The following PAQR3 variants were observed in gnomAD, a reference collection of about 807,000 sequenced individuals.
The protein encoded by PAQR3 is progestin and adipoQ receptor family member 3, also known as Raf kinase trapping to Golgi.
A neutral mutation model predicts 41.7 loss-of-function variants in PAQR3; 39 were observed. The ratio of observed to expected loss-of-function variants is 0.93; its 90% confidence interval spans 0.72 to 1.22. The LOEUF is 1.22. PAQR3 is among the 50% of genes most tolerant of loss of function. The pLI is 0.00. For synonymous variants in PAQR3, 140 were observed against 140.6 expected, an observed-to-expected ratio of 1.00 and a Z score of 0.03; for missense variants, 366 against 385.6, an observed-to-expected ratio of 0.95 and a Z score of 0.42.
rs1736678809 is a variant in PAQR3, at chr4:78,930,064, A to G, written c.504+106T>C. 5.0e-5 allele frequency: 54 copies of G among 1,070,870 alleles called. 3 individuals are homozygous for G. In the South Asian group the frequency reaches 9.0e-4, roughly 18 times the overall value. 66.3% of individuals were successfully genotyped at this position (1,070,870 alleles called of 1,614,324 possible). On this transcript the variant is annotated intron_variant, in intron 3 of 5. Coordinates refer to ENST00000512733, the MANE Select transcript of PAQR3 (RefSeq NM_001040202.2). ...ATGCTTATACGAGACTCTTCTATTT[A>G]GTCTATAAGTTAATTATGTACTTAT... is the stretch of plus-strand genomic sequence containing the variant.
chr4:78,928,586 G>A (rs1736494996), intron 3 of PAQR3, among the ~76,000 whole-genome samples: 3 of 152,166 alleles, frequency 2.0e-5, no homozygotes. Flanking sequence ...CAAGCAATGT[G>A]AGAAATTCTA....
At chr4:78,901,161 A>G (rs925146467) in intron 11 of PAQR3, among the ~76,000 whole-genome samples, 6 of 152,144 alleles carry the variant, frequency 3.9e-5, no homozygotes, top group African/African-American at 1.4e-4. Context: ...CTACTCTCTC[A>G]GCCTCCCAAG....
At chr4:78,888,955 C>G (rs1440860163) in intron 11 of PAQR3, among the ~76,000 whole-genome samples, 3 of 152,160 alleles carry the variant, frequency 2.0e-5, no homozygotes, top group Non-Finnish European at 2.9e-5. Flanking sequence ...GGCGCGGTGG[C>G]TTGCGCCTGT....
Position 78,912,908 on chromosome 4 carries a change from GC to G in PAQR3, c.*7630del, listed in dbSNP as rs1268513754. The stretch of plus-strand genomic sequence containing the variant: ...CTACTTTAGAAACACTTTATGCATG[GC>G]TTCTTGCCCCAAACTTTTATTGTGA... On this transcript the variant is annotated 3_prime_UTR_variant, in exon 6 of 6. Coordinates refer to ENST00000512733, the MANE Select transcript of PAQR3 (RefSeq NM_001040202.2). 2.6e-5 allele frequency: 4 copies of G among 152,110 alleles called. No individual in the cohort carries two copies. The highest frequency in any genetic ancestry group is 4.8e-5 in the African/African-American group (2 of 41,448). The allele number at this position is 152,110 out of a possible 1,614,324, so 9.4% of individuals were successfully genotyped here. A position where few individuals can be genotyped will look rare whatever the true frequency, so the allele number is the denominator to read the frequency against.
rs185283243 is a variant in PAQR3, at chr4:78,937,232, T to C, written c.185+1808A>G. ...AGGCCTTTTGTTTTGCAAATGAAGA[T>C]TACCAGATGGAGGTTGTTAGGGGGA... On this transcript the variant is annotated intron_variant, in intron 1 of 5. Transcript: ENST00000512733. Among the ~76,000 whole-genome samples, 352 of 152,272 alleles carry C rather than the reference T, an allele frequency of 2.3e-3. 7 individuals are homozygous for C. The highest frequency in any genetic ancestry group is 0.018 in the Admixed American group (279 of 15,292).
At chr4:78,934,416 A>C (rs925084382) in intron 2 of PAQR3, among the ~76,000 whole-genome samples, 3 of 152,210 alleles carry the variant, frequency 2.0e-5, no homozygotes, top group Non-Finnish European at 4.4e-5. Flanking sequence ...GGGGATAATA[A>C]GTTTTTCATT....
At chr4:78,936,390 G>A (rs1737429993) in intron 1 of PAQR3, among the ~76,000 whole-genome samples, 1 of 152,090 alleles carries the variant, frequency 6.6e-6, no homozygotes, top group Non-Finnish European at 1.5e-5. Flanking sequence ...GTGGTTCTCA[G>A]GTTCTCATTT....
Position 78,917,873 on chromosome 4 carries a change from T to C in PAQR3, c.*2666A>G. The C allele has an allele frequency of 5.1e-6, 5 of 985,462 alleles. No individual in the cohort carries two copies. The highest frequency in any genetic ancestry group is 6.0e-6 in the Non-Finnish European group (5 of 829,628). The allele number at this position is 985,462 out of a possible 1,614,324, so 61.0% of individuals were successfully genotyped here. On this transcript the variant is annotated 3_prime_UTR_variant, in exon 6 of 6. Coordinates refer to ENST00000512733, the MANE Select transcript of PAQR3 (RefSeq NM_001040202.2). Reference sequence around the variant, plus strand: ...TGACAGACATTCCCTGAATCTTCGTTCCTGATTCTAAAATATGATTTTAAA... The same window carrying C: ...TGACAGACATTCCCTGAATCTTCGTCCCTGATTCTAAAATATGATTTTAAA...
downstream of PAQR3, among the ~76,000 whole-genome samples, chr4:78,909,159 A>G (rs952450746): frequency 8.7e-5 from 13 of 148,782 alleles, no homozygotes; most frequent in African/African-American, 3.3e-4. Context: ...TCCAGTTTCA[A>G]GCGATTCTCC....
chr4:78,933,794 A>T (rs984684580), intron 2 of PAQR3, among the ~76,000 whole-genome samples: 4 of 152,198 alleles, frequency 2.6e-5, no homozygotes, highest in African/African-American at 4.8e-5. Flanking sequence ...TCTTAGGTCA[A>T]TACTGAAATT....
intron 11 of PAQR3, among the ~76,000 whole-genome samples, chr4:78,902,263 A>G (rs1175893012): frequency 6.6e-6 from 1 of 152,178 alleles, no homozygotes; most frequent in African/African-American, 2.4e-5. Context: ...TATTCTGTAA[A>G]TAGCAAAACA....
At chr4:78,931,687 T>C (rs1040313955) in intron 2 of PAQR3, among the ~76,000 whole-genome samples, 1 of 151,658 alleles carries the variant, frequency 6.6e-6, no homozygotes, top group African/African-American at 2.4e-5. Flanking sequence ...ATTTGGAGGG[T>C]GGGACTGGTG....
intron 5 of PAQR3, 148 bp downstream of exon 5, chr4:78,923,709 A>C (rs777567403): frequency 1.5e-6 from 1 of 673,142 alleles, no homozygotes; most frequent in Non-Finnish European, 2.6e-6. Flanking sequence ...AAGCCCTTTG[A>C]AAGTTTTAGG....
downstream of PAQR3, chr4:78,911,061 C>T (rs1371059981): frequency 6.2e-7 from 1 of 1,613,958 alleles, no homozygotes; most frequent in Non-Finnish European, 8.5e-7. Context: ...TACTCCTCAC[C>T]TCAGCCCAAT....
At chr4:78,921,149 G>T (rs1735625446) in intron 5 of PAQR3, among the ~76,000 whole-genome samples, 1 of 151,928 alleles carries the variant, frequency 6.6e-6, no homozygotes, top group Admixed American at 6.6e-5. Context: ...AAGAAAAAGT[G>T]CTGACCTGAA....
intron 11 of PAQR3, among the ~76,000 whole-genome samples, chr4:78,902,910 G>A (rs1478880901): frequency 6.6e-6 from 1 of 152,040 alleles, no homozygotes; most frequent in East Asian, 1.9e-4. Context: ...GTTTAAAATA[G>A]TGTGGCATTA....
Position 78,914,218 on chromosome 4 carries a change from C to T in PAQR3, c.*6321G>A, listed in dbSNP as rs1464200700. On this transcript the variant is annotated 3_prime_UTR_variant, in exon 6 of 6. Coordinates refer to ENST00000512733, the MANE Select transcript of PAQR3 (RefSeq NM_001040202.2). ...TCCTTCAGATGTAAACATGAAATACCTAGAGTTTTACTTGCTTTTCAATAC... is the reference window on the plus strand; with the variant it reads ...TCCTTCAGATGTAAACATGAAATACTTAGAGTTTTACTTGCTTTTCAATAC... 6.6e-6 allele frequency: 1 copy of T among 151,910 alleles called. No individual in the cohort carries two copies. Among genetic ancestry groups the T allele is most frequent in the Non-Finnish European group, 1.5e-5 (1 of 67,924 alleles). 9.4% of individuals were successfully genotyped at this position (151,910 alleles called of 1,614,324 possible).
rs531946692 is a variant in PAQR3 at position 78,918,050 on chromosome 4, T to C, written c.*2489A>G. 1 of 980,176 alleles carries C rather than the reference T, an allele frequency of 1.0e-6. No homozygotes were observed. Among genetic ancestry groups the C allele is most frequent in the African/African-American group, 1.8e-5 (1 of 57,070 alleles). 60.7% of individuals were successfully genotyped at this position (980,176 alleles called of 1,614,324 possible). On this transcript the variant is annotated 3_prime_UTR_variant, in exon 6 of 6. Transcript: ENST00000512733. The stretch of plus-strand genomic sequence containing the variant: ...CAAGCACTGTCTTGCTATTTGAAAA[T>C]GGCTTAATATAGAAAGATAATTGTT...
intron 11 of PAQR3, among the ~76,000 whole-genome samples, chr4:78,898,494 T>A (rs1372176517): frequency 7.3e-5 from 11 of 150,844 alleles, no homozygotes; most frequent in African/African-American, 2.4e-4. Flanking sequence ...ACAGTGGAGG[T>A]AATAGGTAGA....
Sources: allele counts gnomAD v4.1 joint callset (sites outside exome capture counted in the v4.1 genomes callset), GRCh38; gene constraint gnomAD v4.1.1; transcripts MANE v1.5; gene names NCBI Gene and HGNC (gene_info 2026-07-23, HGNC 2026-07-21).